Variants in EPHX4 observed in about 807,000 individuals in gnomAD.
EPHX4 encodes epoxide hydrolase 4.
A neutral mutation model predicts 44.9 loss-of-function variants in EPHX4; 31 were observed. The ratio of observed to expected loss-of-function variants is 0.69; its 90% confidence interval spans 0.52 to 0.93. The LOEUF is 0.93. Among genes scored for constraint, EPHX4 ranks in the 40% least tolerant of loss-of-function variants. EPHX4 has a pLI of 0.00. For missense variants in EPHX4, 373 were observed against 438.1 expected, an observed-to-expected ratio of 0.85 and a Z score of 1.33; for synonymous variants, 151 against 159.7, an observed-to-expected ratio of 0.95 and a Z score of 0.41.
chr1:92,033,996 A>ATT (rs1557881053), intron 2 of EPHX4, among the ~76,000 whole-genome samples: 87 of 51,426 alleles, frequency 1.7e-3, no homozygotes, highest in African/African-American at 4.4e-3. Flanking sequence ...ACATGTTTAA[A>ATT]CTTTTTTTTT....
intron 6 of EPHX4, among the ~76,000 whole-genome samples, chr1:92,061,661 T>C (rs1297109990): frequency 6.6e-6 from 1 of 152,208 alleles, no homozygotes; most frequent in Non-Finnish European, 1.5e-5. Flanking sequence ...TATAGGGGAA[T>C]AGTCAAGTCA....
At chr1:92,055,560 A>G (rs1340081627) in intron 6 of EPHX4, among the ~76,000 whole-genome samples, 2 of 152,176 alleles carry the variant, frequency 1.3e-5, no homozygotes, top group African/African-American at 4.8e-5. Context: ...AAGCAAGGCA[A>G]TGGTTAGAAA....
chr1:92,042,735 A>G (rs1688526372), intron 2 of EPHX4, 88 bp from the exon 3 acceptor site: 5 of 1,278,920 alleles, frequency 3.9e-6, no homozygotes, highest in Non-Finnish European at 4.2e-6. Context: ...AAAAAAAAAA[A>G]AAAAAAAAGA....
In EPHX4 at chr1:92,053,342, C is replaced by T. The variant is rs954438368; in HGVS notation, c.857+684C>T. Among the ~76,000 whole-genome samples the T allele has an allele frequency of 2.6e-5, 4 of 151,854 alleles. No individual in the cohort carries two copies. The East Asian group carries it at 7.7e-4, about 29-fold the overall frequency. Reference sequence around the variant, plus strand: ...GAATTAGGGCTTCTTGGCTGGAGCACAGAAAGTAAGGGTAAGAAGAGCATT... The same window carrying T: ...GAATTAGGGCTTCTTGGCTGGAGCATAGAAAGTAAGGGTAAGAAGAGCATT... On this transcript the variant is annotated intron_variant, in intron 6 of 6. Coordinates refer to ENST00000370383, the MANE Select transcript of EPHX4 (RefSeq NM_173567.5).
intron 4 of EPHX4, among the ~76,000 whole-genome samples, chr1:92,046,589 G>A (rs544495392): frequency 2.2e-4 from 33 of 151,260 alleles, no homozygotes; most frequent in African/African-American, 7.5e-4. Flanking sequence ...TCAGCCTCCC[G>A]AGTAGCTGGG....
intron 3 of EPHX4, among the ~76,000 whole-genome samples, chr1:92,045,165 G>C (rs983082463): frequency 1.3e-5 from 2 of 151,990 alleles, no homozygotes; most frequent in Admixed American, 6.6e-5. Flanking sequence ...CTGGGTGTGT[G>C]TGTTGGGGGG....
At chr1:92,037,660 G>A (rs1300979198) in intron 2 of EPHX4, among the ~76,000 whole-genome samples, 8 of 152,142 alleles carry the variant, frequency 5.3e-5, no homozygotes, top group African/African-American at 1.9e-4. Flanking sequence ...GACAACTGTG[G>A]CATTTCTCTG....
chr1:92,045,691 G>A (rs1343305396), intron 4 of EPHX4, 31 bp downstream of exon 4: 1 of 1,611,862 alleles, frequency 6.2e-7, no homozygotes, highest in East Asian at 2.2e-5. Flanking sequence ...AAACAGTTCT[G>A]CTAATGTGAC....
At chr1:92,049,884 A>G (rs758639067) in intron 4 of EPHX4, among the ~76,000 whole-genome samples, 2 of 151,974 alleles carry the variant, frequency 1.3e-5, no homozygotes, top group Non-Finnish European at 2.9e-5. Context: ...AGATCACCTG[A>G]GTCAGGAGTT....
rs560468967 is a variant in EPHX4, at chr1:92,032,628, C to G, written c.317+38C>G. 24 of 1,548,834 alleles carry G rather than the reference C, an allele frequency of 1.5e-5. No homozygotes were observed. The South Asian group carries it at 2.3e-4, about 15-fold the overall frequency. ...ACTAACATTTATTGTTACATTAAAA[C>G]TTGGCTTATTTTCTCAGTTCATTTT... is the stretch of plus-strand genomic sequence containing the variant. On this transcript the variant is annotated intron_variant, in intron 2 of 6. Coordinates refer to ENST00000370383, the MANE Select transcript of EPHX4 (RefSeq NM_173567.5).
chr1:92,039,240 G>A (rs1292841716), intron 2 of EPHX4, among the ~76,000 whole-genome samples: 1 of 152,196 alleles, frequency 6.6e-6, no homozygotes. Context: ...GCAACGAAAT[G>A]ACATGAGTTT....
At chr1:92,030,495 A>T (rs1349816366) in intron 1 of EPHX4, among the ~76,000 whole-genome samples, 185 bp downstream of exon 1, 258 of 27,470 alleles carry the variant, frequency 9.4e-3, no homozygotes, top group African/African-American at 0.012. Context: ...TGAGAGAGAG[A>T]GAGAGAGAGA....
intron 6 of EPHX4, among the ~76,000 whole-genome samples, chr1:92,053,897 G>A (rs1647306018): frequency 6.6e-6 from 1 of 152,146 alleles, no homozygotes. Flanking sequence ...GGAACTCAGA[G>A]GAGAGAATCT....
intron 6 of EPHX4, among the ~76,000 whole-genome samples, chr1:92,061,302 G>C (rs940400844): frequency 1.3e-5 from 2 of 152,162 alleles, no homozygotes; most frequent in Non-Finnish European, 2.9e-5. Context: ...CATGGTGTCA[G>C]AAGTTAAGTC....
rs751032470 is a variant in EPHX4, at chr1:92,063,483, G to A, written c.*197G>A. 45 of 454,276 alleles carry A rather than the reference G, an allele frequency of 9.9e-5. 1 individual carries two copies. Among genetic ancestry groups the A allele is most frequent in the Non-Finnish European group, 1.6e-4 (41 of 257,556 alleles). 28.1% of individuals were successfully genotyped at this position (454,276 alleles called of 1,614,324 possible). On this transcript the variant is annotated 3_prime_UTR_variant, in exon 7 of 7. Coordinates refer to ENST00000370383, the MANE Select transcript of EPHX4 (RefSeq NM_173567.5). Reference sequence around the variant, plus strand: ...AATACAATGTTGATTTTCTTCTGGTGTATTTTGCACAGACAAGCATCTGCC... The same window carrying A: ...AATACAATGTTGATTTTCTTCTGGTATATTTTGCACAGACAAGCATCTGCC...
intron 4 of EPHX4, 114 bp from the exon 5 acceptor site, chr1:92,050,203 T>A: frequency 1.5e-6 from 1 of 660,590 alleles, no homozygotes; most frequent in Non-Finnish European, 2.6e-6. Flanking sequence ...AAGCCTTACT[T>A]ATGGATTCTT....
rs146072678 is a variant in EPHX4, at chr1:92,042,886, G to C, written c.381G>C (p.Leu127Phe). The stretch of plus-strand genomic sequence containing the variant: ...AATATCGAGTTGTAGCACTGGATTT[G>C]AGAGGTTATGGAGAAACAGATGCTC... Reference protein sequence around the residue: ...KSEYRVVALDLRGYGETDAPI... With the variant: ...KSEYRVVALDFRGYGETDAPI... Residue 127 changes from leucine (L) to phenylalanine (F), a missense_variant, in exon 3 of 7, where the codon TTG becomes TTC. Transcript: ENST00000370383. 6 of 1,613,604 alleles carry C rather than the reference G, an allele frequency of 3.7e-6. No individual in the cohort carries two copies. The highest frequency in any genetic ancestry group is 5.1e-6 in the Non-Finnish European group (6 of 1,179,868).
At chr1:92,062,291 A>G (rs1271894440) in intron 6 of EPHX4, among the ~76,000 whole-genome samples, 1 of 151,222 alleles carries the variant, frequency 6.6e-6, no homozygotes, top group Non-Finnish European at 1.5e-5. Flanking sequence ...TCCTTTTGAA[A>G]CAAATTACTC....
intron 2 of EPHX4, among the ~76,000 whole-genome samples, chr1:92,034,063 C>T (rs1411608900): frequency 6.0e-5 from 7 of 115,770 alleles, no homozygotes; most frequent in South Asian, 3.0e-4. Flanking sequence ...GAGGCCGAGG[C>T]GGGTGGATCA....
Sources: gnomAD v4.1 joint callset for allele counts (sites outside exome capture counted in the v4.1 genomes callset) on GRCh38, gnomAD v4.1.1 for gene constraint, MANE v1.5 for transcripts, NCBI Gene and HGNC (gene_info 2026-07-23, HGNC 2026-07-21) for gene names.